Variants in KIF15 observed in about 807,000 individuals in gnomAD.
KIF15 encodes the protein kinesin family member 15.
KIF15 carries 140 observed loss-of-function variants against 190.6 expected under a neutral mutation model. The observed-to-expected ratio is 0.73, with a 90% CI of 0.64 to 0.84. The LOEUF (loss-of-function observed/expected upper bound fraction) is 0.84. Among genes scored for constraint, KIF15 ranks in the 40% least tolerant of loss-of-function variants. The pLI, the probability that KIF15 is intolerant of heterozygous loss-of-function variation, is 0.00. For synonymous variants in KIF15, 528 were observed against 551.3 expected (o/e 0.96, Z 0.59); for missense variants, 1,372 against 1,584.4 (o/e 0.87, Z 2.28).
At chr3:44,839,229 G>A (rs1288870717) in intron 27 of KIF15, among the ~76,000 whole-genome samples, 2 of 151,952 alleles carry the variant, frequency 1.3e-5, no homozygotes, top group Non-Finnish European at 1.5e-5. Flanking sequence ...AAAATTAGCC[G>A]GGCGTGGTGG....
At chr3:44,767,992 C>T (rs1339014030) in intron 1 of KIF15, among the ~76,000 whole-genome samples, 1 of 143,358 alleles carries the variant, frequency 7.0e-6, no homozygotes, top group African/African-American at 2.6e-5. Context: ...TATTTAAAAA[C>T]AGGCCAGGCA....
In KIF15 at chr3:44,859,144, C is replaced by G. The variant is rs545841772; in HGVS notation, c.*59+6350C>G. Reference sequence around the variant, plus strand: ...GTGGCCAGATTTATGGCACTTTAAGCAAGCTCCTGTGGGAGGCGGTCCTGG... The same window carrying G: ...GTGGCCAGATTTATGGCACTTTAAGGAAGCTCCTGTGGGAGGCGGTCCTGG... On this transcript the variant is annotated intron_variant and NMD_transcript_variant, in intron 6 of 6. Coordinates refer to the KIF15 transcript ENST00000422209. 2.0e-5 allele frequency among the ~76,000 whole-genome samples: 3 copies of G among 152,312 alleles called. No homozygotes were observed. The South Asian group carries it at 6.2e-4, about 32-fold the overall frequency.
At chr3:44,851,451 T>C (rs1011899421) in intron 32 of KIF15, among the ~76,000 whole-genome samples, 1 of 152,212 alleles carries the variant, frequency 6.6e-6, no homozygotes, top group African/African-American at 2.4e-5. Context: ...ATGATCAAGA[T>C]AGGGGATACT....
intron 32 of KIF15, among the ~76,000 whole-genome samples, chr3:44,849,883 TA>T (rs1182868405): frequency 6.6e-6 from 1 of 152,234 alleles, no homozygotes; most frequent in African/African-American, 2.4e-5. Flanking sequence ...GTAATTATTA[TA>T]CTTAGGGAAA....
At chr3:44,789,706 C>G (rs1706593550) in intron 7 of KIF15, among the ~76,000 whole-genome samples, 1 of 137,492 alleles carries the variant, frequency 7.3e-6, no homozygotes, top group Non-Finnish European at 1.6e-5. Context: ...TAGATACATA[C>G]ACATATGGAA....
Position 44,848,544 on chromosome 3 carries a change from G to T in KIF15, c.3792G>T (p.Leu1264=). Residue 1264 remains leucine, a synonymous_variant, in exon 32 of 35, where the codon CTG becomes CTT. Coordinates refer to ENST00000326047, the MANE Select transcript of KIF15 (RefSeq NM_020242.3). The stretch of plus-strand genomic sequence containing the variant: ...AGAGTAAAATAGTTGAAGAAATGCT[G>T]AAAATGAAAGCAGAGTAAGTGTACT... ...LAKSKIVEEM[L]KMKADLEEVQ... is the part of the protein sequence containing the mutation. The T allele has an allele frequency of 8.3e-7, 1 of 1,201,684 alleles. No individual in the cohort carries two copies. Among genetic ancestry groups the T allele is most frequent in the South Asian group, 1.4e-5 (1 of 73,768 alleles). 74.4% of individuals were successfully genotyped at this position (1,201,684 alleles called of 1,614,324 possible). A position where few individuals can be genotyped will look rare whatever the true frequency, so the allele number is the denominator to read the frequency against.
chr3:44,850,740 T>C (rs1486855938), intron 32 of KIF15, among the ~76,000 whole-genome samples: 10 of 152,230 alleles, frequency 6.6e-5, no homozygotes, highest in Admixed American at 6.5e-4. Context: ...ATCCACAGAA[T>C]GTAGTCCAAA....
At chr3:44,836,263 T>C (rs1259690189) in intron 26 of KIF15, among the ~76,000 whole-genome samples, 2 of 151,890 alleles carry the variant, frequency 1.3e-5, no homozygotes, top group Non-Finnish European at 2.9e-5. Context: ...GGCTGAGGCA[T>C]GAGAATCGCT....
At chr3:44,864,233 A>G in intron 6 of KIF15, 1 of 1,614,134 alleles carries the variant, frequency 6.2e-7, no homozygotes, top group Non-Finnish European at 8.5e-7. Flanking sequence ...CATTATTGTG[A>G]TGGCGAGCAC....
rs1707435539 is a variant in KIF15, at chr3:44,805,100, ACTC to A, written c.1764_1766del (p.Leu589del). 1.9e-6 allele frequency: 3 copies of A among 1,613,856 alleles called. No homozygotes were observed. Among genetic ancestry groups the A allele is most frequent in the Non-Finnish European group, 2.5e-6 (3 of 1,179,930 alleles). On this transcript the variant is annotated inframe_deletion, in exon 15 of 35. Coordinates refer to ENST00000326047, the MANE Select transcript of KIF15 (RefSeq NM_020242.3). ...CAAACACTGAGAAGTTAAAAGCACAACTCCTGCAAATTCAGACAGAGCTGAATA... is the reference window on the plus strand; with the variant it reads ...CAAACACTGAGAAGTTAAAAGCACAACTGCAAATTCAGACAGAGCTGAATA...
At chr3:44,788,287 C>A (rs534523890) in intron 7 of KIF15, among the ~76,000 whole-genome samples, 88 of 152,210 alleles carry the variant, frequency 5.8e-4, no homozygotes, top group Admixed American at 1.1e-3. Flanking sequence ...TTGTTTGATG[C>A]TTTTTCCACC....
In KIF15 at chr3:44,848,039, C is replaced by T; in HGVS notation, c.3750C>T (p.Ile1250=). The change falls in exon 31 of 35, where the codon ATC becomes ATT. Residue 1250 remains isoleucine (I), a synonymous_variant. Transcript: ENST00000326047. ...TGAAGAATGAACAAGAAGAAAGTAT[C>T]AAAGAAAGACTTGCAAAAGTAAGAT... ...QQLKNEQEES[I]KERLAKSKIV... is the part of the protein sequence containing the mutation. 1.2e-6 allele frequency: 2 copies of T among 1,607,706 alleles called. No homozygotes were observed. Among genetic ancestry groups the T allele is most frequent in the East Asian group, 2.2e-5 (1 of 44,730 alleles).
chr3:44,777,385 C>T lies in KIF15; in HGVS notation c.247-730C>T, dbSNP rs115201056. ...TGGATCTTTTTTTTATGTGGAGCATCGCTGGCCAATAGATAAGTAAAACGA... is the reference window on the plus strand; with the variant it reads ...TGGATCTTTTTTTTATGTGGAGCATTGCTGGCCAATAGATAAGTAAAACGA... On this transcript the variant is annotated intron_variant, in intron 3 of 34. Coordinates refer to ENST00000326047, the MANE Select transcript of KIF15 (RefSeq NM_020242.3). Among the ~76,000 whole-genome samples, 349 of 152,060 alleles carry T rather than the reference C, an allele frequency of 2.3e-3. 4 individuals carry two copies. Among genetic ancestry groups the T allele is most frequent in the African/African-American group, 8.2e-3 (340 of 41,476 alleles).
At chr3:44,831,823 T>C (rs1180089149) in intron 26 of KIF15, among the ~76,000 whole-genome samples, 3 of 152,202 alleles carry the variant, frequency 2.0e-5, no homozygotes, top group African/African-American at 7.2e-5. Flanking sequence ...AGCAATCCTA[T>C]ATACTTTTAG....
Position 44,784,844 on chromosome 3 carries a change from G to A in KIF15, c.362-1G>A, listed in dbSNP as rs549556281. 4.4e-5 allele frequency: 64 copies of A among 1,443,068 alleles called. No individual in the cohort carries two copies. The highest frequency in any genetic ancestry group is 5.5e-5 in the Non-Finnish European group (58 of 1,053,092). 89.4% of individuals were successfully genotyped at this position (1,443,068 alleles called of 1,614,324 possible). A position where few individuals can be genotyped will look rare whatever the true frequency, so the allele number is the denominator to read the frequency against. ...CAGTGTTTTTTTTTTCATTTTTTTA[G>A]GACCATCTGAATCTGATAATTTTTC... On this transcript the variant is annotated splice_acceptor_variant, in intron 5 of 34. Transcript: ENST00000326047. LOFTEE classifies it high-confidence loss of function.
chr3:44,767,486 A>G (rs1036458457), intron 1 of KIF15, among the ~76,000 whole-genome samples: 2 of 152,214 alleles, frequency 1.3e-5, no homozygotes, highest in Non-Finnish European at 2.9e-5. Context: ...GGAGATGTAG[A>G]AACACATTTG....
intron 6 of KIF15, among the ~76,000 whole-genome samples, chr3:44,866,197 C>T (rs1168222607): frequency 7.2e-5 from 11 of 151,832 alleles, no homozygotes; most frequent in Non-Finnish European, 1.3e-4. Context: ...CTCAGCTTCC[C>T]GAGTAGCTGG....
intron 26 of KIF15, among the ~76,000 whole-genome samples, chr3:44,835,158 G>A (rs1698252364): frequency 6.6e-6 from 1 of 152,006 alleles, no homozygotes. Context: ...TTCAATAAAA[G>A]GATCTAAAGG....
At chr3:44,847,345 T>A (rs1698892814) in intron 30 of KIF15, among the ~76,000 whole-genome samples, 1 of 152,214 alleles carries the variant, frequency 6.6e-6, no homozygotes, top group African/African-American at 2.4e-5. Context: ...GAAACTCAAC[T>A]TATTATCCTC....
Sources: gnomAD v4.1 joint callset for allele counts (sites outside exome capture counted in the v4.1 genomes callset) on GRCh38, gnomAD v4.1.1 for gene constraint, MANE v1.5 for transcripts, NCBI Gene and HGNC (gene_info 2026-07-23, HGNC 2026-07-21) for gene names.